Variants in ARHGEF33 observed in about 807,000 individuals in gnomAD.
ARHGEF33 encodes the protein Rho guanine nucleotide exchange factor 33.
In ARHGEF33, 72 loss-of-function variants were observed where a neutral mutation model predicts 101.9. The observed-to-expected ratio is 0.71, with a 90% CI of 0.58 to 0.86. The LOEUF is 0.86. Ranked by LOEUF, ARHGEF33 falls within the 40% of genes least tolerant of loss-of-function variation. The pLI, the probability that ARHGEF33 is intolerant of heterozygous loss-of-function variation, is 0.00. For missense variants in ARHGEF33, 1,169 were observed against 1,111.3 expected (o/e 1.05, Z -0.74); for synonymous variants, 499 against 442.5 (o/e 1.13, Z -1.60).
chr2:38,965,848 T>C (rs1356457018), intron 16 of ARHGEF33, among the ~76,000 whole-genome samples, 158 bp from the exon 17 acceptor site: 1 of 152,222 alleles, frequency 6.6e-6, no homozygotes, highest in Non-Finnish European at 1.5e-5. Flanking sequence ...TGCTGGTTTC[T>C]TCATTAGCCT....
intron 17 of ARHGEF33, among the ~76,000 whole-genome samples, chr2:38,968,666 A>T (rs906977895): frequency 2.6e-5 from 4 of 152,210 alleles, no homozygotes; most frequent in Non-Finnish European, 4.4e-5. Flanking sequence ...TCCCTCCTGC[A>T]TCAATCATGT....
chr2:38,905,997 A>G (rs1183455049), intron 2 of ARHGEF33, among the ~76,000 whole-genome samples: 1 of 152,028 alleles, frequency 6.6e-6, no homozygotes, highest in African/African-American at 2.4e-5. Flanking sequence ...TAATCCCAAC[A>G]CTTTGGGAGG....
intron 16 of ARHGEF33, 126 bp from the exon 17 acceptor site, chr2:38,965,879 TG>T: frequency 2.7e-6 from 3 of 1,121,200 alleles, no homozygotes; most frequent in Non-Finnish European, 3.8e-6. Flanking sequence ...TAGTTGGGAT[TG>T]GGTGCCCACT....
chr2:38,916,987 A>G (rs1251181026), intron 2 of ARHGEF33, among the ~76,000 whole-genome samples: 1 of 151,398 alleles, frequency 6.6e-6, no homozygotes, highest in African/African-American at 2.4e-5. Context: ...TTTAGTAGAG[A>G]CAGGGTTTCT....
intron 17 of ARHGEF33, chr2:38,971,997 T>A: frequency 1.4e-6 from 1 of 717,952 alleles, no homozygotes; most frequent in Non-Finnish European, 2.6e-6. Context: ...CATGTTGGGT[T>A]TTGGATAGAC....
intron 11 of ARHGEF33, 141 bp downstream of exon 11, chr2:38,951,262 A>G: frequency 1.2e-6 from 1 of 808,670 alleles, no homozygotes; most frequent in Admixed American, 2.9e-5. Flanking sequence ...CTCATTCTAC[A>G]TACAGATCAT....
intron 10 of ARHGEF33, among the ~76,000 whole-genome samples, chr2:38,945,771 G>C (rs1667433171): frequency 6.6e-6 from 1 of 152,240 alleles, no homozygotes; most frequent in Admixed American, 6.5e-5. Context: ...ACTGTTTACT[G>C]TGGAAGGGAG....
rs188888760 is a variant in ARHGEF33 at position 38,929,059 on chromosome 2, A to T, written c.228A>T (p.Leu76Phe). The T allele has an allele frequency of 6.5e-7, 1 of 1,549,696 alleles. No individual in the cohort carries two copies. The highest frequency in any genetic ancestry group is 2.4e-5 in the East Asian group (1 of 40,888). Residue 76 changes from leucine to phenylalanine, a missense_variant, in exon 5 of 18, where the codon TTA (leucine) becomes TTT (phenylalanine). Leu to Phe is a conservative substitution (Grantham distance 22). Transcript: ENST00000409978. The part of the protein sequence containing the change: ...EEKVTEMKNS[L>F]NYFKEELSNA... The stretch of plus-strand genomic sequence containing the variant: ...AAGTTACTGAGATGAAGAATTCATT[A>T]AACTATTTCAAGGTAGGCCTCTCTT...
rs115555626 is a variant in ARHGEF33, at chr2:38,943,718, T to A, written c.791-183T>A. On this transcript the variant is annotated intron_variant, in intron 9 of 17. Transcript: ENST00000409978. ...AGCTGCAGATGGGGACACCAAGACTTCGTGCCCTTTGCTCTGCTGAATGAA... is the reference window on the plus strand; with the variant it reads ...AGCTGCAGATGGGGACACCAAGACTACGTGCCCTTTGCTCTGCTGAATGAA... Among the ~76,000 whole-genome samples the A allele has an allele frequency of 7.8e-3, 1,189 of 152,366 alleles. 14 individuals carry two copies. The highest frequency in any genetic ancestry group is 0.027 in the African/African-American group (1,117 of 41,574).
chr2:38,958,630 C>T (rs1211001367), intron 15 of ARHGEF33, among the ~76,000 whole-genome samples: 1 of 152,220 alleles, frequency 6.6e-6, no homozygotes, highest in East Asian at 1.9e-4. Flanking sequence ...TTCACTCTTT[C>T]ACATGTTAAC....
At chr2:38,950,885 G>A (rs898412310) in intron 10 of ARHGEF33, 104 bp from the exon 11 acceptor site, 16 of 1,093,488 alleles carry the variant, frequency 1.5e-5, no homozygotes, top group Non-Finnish European at 2.1e-5. Context: ...GTGACTCACA[G>A]TATGTTGGAT....
intron 2 of ARHGEF33, among the ~76,000 whole-genome samples, chr2:38,911,583 T>C (rs766252910): frequency 5.3e-5 from 8 of 152,230 alleles, no homozygotes; most frequent in South Asian, 2.1e-4. Flanking sequence ...TGTTAACTTA[T>C]TATTTAAAAA....
chr2:38,950,037 C>T (rs1667560063), intron 10 of ARHGEF33, among the ~76,000 whole-genome samples: 1 of 152,168 alleles, frequency 6.6e-6, no homozygotes, highest in Admixed American at 6.5e-5. Flanking sequence ...AGCCCACTTC[C>T]AACACTGGGG....
chr2:38,959,462 C>A (rs941455218), intron 15 of ARHGEF33: 1 of 177,954 alleles, frequency 5.6e-6, no homozygotes, highest in Non-Finnish European at 1.2e-5. Context: ...ACAAGTCGAA[C>A]AGAAGTTGAG....
intron 4 of ARHGEF33, among the ~76,000 whole-genome samples, chr2:38,923,068 A>C (rs781529509): frequency 8.5e-5 from 13 of 152,166 alleles, no homozygotes; most frequent in Admixed American, 5.9e-4. Context: ...TTTAAAGTCT[A>C]TTATAGATTT....
chr2:38,892,583 A>G (rs1468183896), intron 1 of ARHGEF33, among the ~76,000 whole-genome samples: 1 of 152,210 alleles, frequency 6.6e-6, no homozygotes, highest in Non-Finnish European at 1.5e-5. Flanking sequence ...GTGCACCCCC[A>G]ATTGACAAAA....
At chr2:38,957,149 G>A in intron 14 of ARHGEF33, 102 bp downstream of exon 14, 4 of 1,394,482 alleles carry the variant, frequency 2.9e-6, no homozygotes, top group Non-Finnish European at 3.9e-6. Context: ...ATGCAGTGGT[G>A]GGAGGTAGAA....
chr2:38,966,076 G>A lies in ARHGEF33; in HGVS notation c.2414G>A (p.Ser805Asn), dbSNP rs367845748. Reference sequence around the variant, plus strand: ...AGAGAAAGTGAACAAACATCTTTCAGCGATCAAAATCCCAGGCAAGACCAG... The same window carrying A: ...AGAGAAAGTGAACAAACATCTTTCAACGATCAAAATCCCAGGCAAGACCAG... ...EERESEQTSFSDQNPRQDQKG... is the reference protein window; with the variant it reads ...EERESEQTSFNDQNPRQDQKG... The change falls in exon 17 of 18, where the codon AGC becomes AAC. Residue 805 changes from serine to asparagine, a missense_variant. Ser to Asn is a conservative substitution (Grantham distance 46). Transcript: ENST00000409978. 6.4e-7 allele frequency: 1 copy of A among 1,551,586 alleles called. No individual in the cohort carries two copies. Among genetic ancestry groups the A allele is most frequent in the Non-Finnish European group, 8.7e-7 (1 of 1,146,998 alleles).
At chr2:38,926,537 A>G (rs1666874339) in intron 4 of ARHGEF33, among the ~76,000 whole-genome samples, 1 of 152,188 alleles carries the variant, frequency 6.6e-6, no homozygotes, top group Non-Finnish European at 1.5e-5. Context: ...TTTACAAAGC[A>G]GTAGCAACGC....
Sources: gnomAD v4.1 joint callset for allele counts (sites outside exome capture counted in the v4.1 genomes callset) on GRCh38, gnomAD v4.1.1 for gene constraint, MANE v1.5 for transcripts, NCBI Gene and HGNC (gene_info 2026-07-23, HGNC 2026-07-21) for gene names.